KLHDC4: variants seen among roughly 807,000 people sequenced by gnomAD.
KLHDC4 encodes the protein kelch domain containing 4, also known as kelch domain-containing protein 4.
In KLHDC4, 90 loss-of-function variants were observed where a neutral mutation model predicts 62.4. The observed-to-expected ratio is 1.44, with a 90% CI of 1.22 to 1.72. The LOEUF is 1.72. Among genes scored for constraint, KLHDC4 ranks in the 40% most tolerant of loss-of-function variants. The probability of loss-of-function intolerance (pLI) is 0.00; values close to 1 mark genes in which losing one functional copy is unlikely to be tolerated. For missense variants in KLHDC4, 1,025 were observed against 699.7 expected, an observed-to-expected ratio of 1.47 and a Z score of -5.25; for synonymous variants, 386 against 284.4, an observed-to-expected ratio of 1.36 and a Z score of -3.59.
At chr16:87,757,439 G>A (rs2143356941) in intron 2 of KLHDC4, 1 of 146,552 alleles carries the variant, frequency 6.8e-6, no homozygotes, top group Non-Finnish European at 1.5e-5. Context: ...TTGCACTCCA[G>A]CCTGGCGACA....
At chr16:87,764,566 T>C (rs1423798276) in intron 1 of KLHDC4, among the ~76,000 whole-genome samples, 1 of 141,816 alleles carries the variant, frequency 7.1e-6, no homozygotes, top group Non-Finnish European at 1.5e-5. Flanking sequence ...GGAGAACCAC[T>C]TGAACCTGGG....
At chr16:87,765,767 G>T in intron 1 of KLHDC4, 25 bp downstream of exon 1, 1 of 1,557,460 alleles carries the variant, frequency 6.4e-7, no homozygotes, top group Non-Finnish European at 8.7e-7. Flanking sequence ...ACGTCGGGCC[G>T]CTAAGCCCGG....
Position 87,765,910 on chromosome 16 carries a change from C to T in KLHDC4, c.-20G>A. 2 of 1,549,918 alleles carry T rather than the reference C, an allele frequency of 1.3e-6. No homozygotes were observed. Among genetic ancestry groups the T allele is most frequent in the Non-Finnish European group, 1.7e-6 (2 of 1,146,240 alleles). Reference sequence around the variant, plus strand: ...GCCCATCTTGCCGGGTCCCAAGCCGCGACGGGACACCAGGAAAGAAAACGG... The same window carrying T: ...GCCCATCTTGCCGGGTCCCAAGCCGTGACGGGACACCAGGAAAGAAAACGG... On this transcript the variant is annotated 5_prime_UTR_variant, in exon 1 of 12. Coordinates refer to ENST00000270583, the MANE Select transcript of KLHDC4 (RefSeq NM_017566.4).
At chr16:87,747,231 G>C (rs2043173791) in intron 5 of KLHDC4, among the ~76,000 whole-genome samples, 1 of 152,200 alleles carries the variant, frequency 6.6e-6, no homozygotes, top group Admixed American at 6.5e-5. Context: ...TGGGTTGGGT[G>C]CTGGGTTAGC....
In KLHDC4 at chr16:87,748,708, G is replaced by C; in HGVS notation, c.471C>G (p.Val157=). The change falls in exon 5 of 12, where the codon GTC becomes GTG. Residue 157 remains valine (V), a synonymous_variant. Transcript: ENST00000270583. The stretch of plus-strand genomic sequence containing the variant: ...CCCAGGTCTTGGTGGCCAAATGCAG[G>C]ACCCAGAGATCCTTGTAGTGGTAGA... ...EQFYHYKDLW[V]LHLATKTWEQ... 1 of 1,613,560 alleles carries C rather than the reference G, an allele frequency of 6.2e-7. No individual in the cohort carries two copies. The highest frequency in any genetic ancestry group is 8.5e-7 in the Non-Finnish European group (1 of 1,179,916).
chr16:87,763,107 G>A (rs2046121317), intron 1 of KLHDC4, among the ~76,000 whole-genome samples: 1 of 152,118 alleles, frequency 6.6e-6, no homozygotes, highest in African/African-American at 2.4e-5. Context: ...AAACACACAA[G>A]TTAACAGAAC....
At chr16:87,739,552 C>CTCATCCATCCACACACCAGCACG (rs1567761735) in intron 5 of KLHDC4, among the ~76,000 whole-genome samples, 22 of 145,290 alleles carry the variant, frequency 1.5e-4, no homozygotes, top group African/African-American at 4.8e-4. Flanking sequence ...ACACCAGCAC[C>CTCATCCATCCACACACCAGCACG]TCATCCATCC....
At chr16:87,715,252 CT>C (rs2036712701) in intron 7 of KLHDC4, among the ~76,000 whole-genome samples, 1 of 152,224 alleles carries the variant, frequency 6.6e-6, no homozygotes, top group Non-Finnish European at 1.5e-5. Context: ...TTTGTTTGCA[CT>C]TTAATTCTCT....
intron 6 of KLHDC4, among the ~76,000 whole-genome samples, chr16:87,727,579 C>G (rs935848808): frequency 1.2e-4 from 19 of 152,218 alleles, no homozygotes; most frequent in Non-Finnish European, 2.5e-4. Flanking sequence ...TGCTCAGTGC[C>G]TGCCGGACCC....
chr16:87,706,807 C>T (rs527939643), downstream of KLHDC4, among the ~76,000 whole-genome samples: 15 of 152,292 alleles, frequency 9.8e-5, no homozygotes, highest in Admixed American at 5.9e-4. Context: ...CTCAAGCCAT[C>T]GCCCCAAGGT....
intron 7 of KLHDC4, among the ~76,000 whole-genome samples, chr16:87,718,572 C>A (rs1267855633): frequency 6.6e-6 from 1 of 151,842 alleles, no homozygotes; most frequent in African/African-American, 2.4e-5. Flanking sequence ...TCTCGGCTCG[C>A]TACAACCCCC....
intron 5 of KLHDC4, among the ~76,000 whole-genome samples, chr16:87,731,889 A>C (rs1293264513): frequency 6.6e-6 from 1 of 152,208 alleles, no homozygotes; most frequent in African/African-American, 2.4e-5. Flanking sequence ...TGATGCACAC[A>C]GCAATGTGAA....
intron 4 of KLHDC4, among the ~76,000 whole-genome samples, chr16:87,754,731 G>A (rs948419117): frequency 6.6e-6 from 1 of 152,184 alleles, no homozygotes; most frequent in Non-Finnish European, 1.5e-5. Flanking sequence ...AGCGACAGCT[G>A]ACACTGCTCT....
At chr16:87,709,870 C>T (rs953788339) in intron 9 of KLHDC4, 53 of 626,974 alleles carry the variant, frequency 8.5e-5, no homozygotes, top group Admixed American at 5.7e-4. Flanking sequence ...CTAGCCTCGC[C>T]GTTCACTCCT....
At chr16:87,758,934 C>G (rs538972159) in intron 2 of KLHDC4, among the ~76,000 whole-genome samples, 18 of 151,926 alleles carry the variant, frequency 1.2e-4, no homozygotes, top group Non-Finnish European at 1.5e-4. Context: ...CCAGCACTTT[C>G]GGAGGCCGAG....
chr16:87,758,595 T>C (rs1031554637), intron 2 of KLHDC4, among the ~76,000 whole-genome samples: 1 of 152,120 alleles, frequency 6.6e-6, no homozygotes, highest in Non-Finnish European at 1.5e-5. Flanking sequence ...TCTCCCATCT[T>C]TTGGCTTCCC....
intron 4 of KLHDC4, 72 bp downstream of exon 4, chr16:87,755,122 C>A: frequency 1.9e-6 from 2 of 1,041,402 alleles, no homozygotes; most frequent in Non-Finnish European, 3.0e-6. Context: ...TGTCACCTAT[C>A]AACTCTCCGT....
Position 87,762,032 on chromosome 16 carries a change from C to A in KLHDC4, c.108G>T (p.Leu36=). Reference sequence around the variant, plus strand: ...TCTGGAAATGGGCTATGAGCGCTTCCAGGTCTTCCTAGGGCAAGCAAGCAG... The same window carrying A: ...TCTGGAAATGGGCTATGAGCGCTTCAAGGTCTTCCTAGGGCAAGCAAGCAG... ...SKRSRKEEED[L]EALIAHFQTL... Residue 36 remains leucine, a synonymous_variant, in exon 2 of 12, where the codon CTG becomes CTT. Transcript: ENST00000270583. The A allele has an allele frequency of 6.2e-7, 1 of 1,613,608 alleles. No individual in the cohort carries two copies. The highest frequency in any genetic ancestry group is 8.5e-7 in the Non-Finnish European group (1 of 1,179,778).
intron 4 of KLHDC4, among the ~76,000 whole-genome samples, chr16:87,751,822 C>T (rs2043994955): frequency 6.6e-6 from 1 of 152,120 alleles, no homozygotes; most frequent in African/African-American, 2.4e-5. Context: ...GCCTGTAATC[C>T]CAGCACTTTG....
Sources: gnomAD v4.1 joint callset for allele counts (sites outside exome capture counted in the v4.1 genomes callset) on GRCh38, gnomAD v4.1.1 for gene constraint, MANE v1.5 for transcripts, NCBI Gene and HGNC (gene_info 2026-07-23, HGNC 2026-07-21) for gene names.